Variants in ARHGEF18 observed in about 807,000 individuals in gnomAD.
ARHGEF18 encodes the protein Rho/Rac guanine nucleotide exchange factor 18, also known as rho guanine nucleotide exchange factor 18.
ARHGEF18 carries 93 observed loss-of-function variants against 155.7 expected under a neutral mutation model. The ratio of observed to expected loss-of-function variants is 0.60; its 90% confidence interval spans 0.50 to 0.71. The LOEUF (loss-of-function observed/expected upper bound fraction) is 0.71. Among genes scored for constraint, ARHGEF18 ranks in the 30% least tolerant of loss-of-function variants. The probability of loss-of-function intolerance (pLI) is 0.00; values close to 1 mark genes in which losing one functional copy is unlikely to be tolerated. For missense variants in ARHGEF18, 1,593 were observed against 1,816.1 expected, an observed-to-expected ratio of 0.88 and a Z score of 2.23; for synonymous variants, 742 against 753.1, an observed-to-expected ratio of 0.99 and a Z score of 0.24.
chr19:7,419,452 A>C (rs1973225082), intron 10 of ARHGEF18, among the ~76,000 whole-genome samples: 1 of 151,466 alleles, frequency 6.6e-6, no homozygotes, highest in Admixed American at 6.6e-5. Flanking sequence ...CCCCAGGTGC[A>C]CCTGCAGCTC....
At position 7,355,559 on chromosome 19, in the gene ARHGEF18, G is replaced by T. The variant is rs944191368; in HGVS notation, c.-111+6318G>T. ...GAGGCAGTCTCCGCCCCTCTTACTG[G>T]CAGCCCCATCCTGGCAGGGATTCCC... On this transcript the variant is annotated intron_variant, in intron 1 of 28. Transcript: ENST00000668164. The T allele has an allele frequency of 7.4e-6, 7 of 948,716 alleles. No homozygotes were observed. In the East Asian group the frequency reaches 8.1e-4, roughly 110 times the overall value. The allele number at this position is 948,716 out of a possible 1,614,324, so 58.8% of individuals were successfully genotyped here.
chr19:7,417,566 G>A (rs377650419), intron 10 of ARHGEF18, among the ~76,000 whole-genome samples: 8 of 152,028 alleles, frequency 5.3e-5, no homozygotes, highest in Non-Finnish European at 1.2e-4. Flanking sequence ...GACGAGTGGC[G>A]CACGCCTGTA....
rs748242858 is a variant in ARHGEF18, at chr19:7,468,972, G to C, written c.3628G>C (p.Ala1210Pro). Reference protein sequence around the residue: ...RDSAPTENRLAKSDVPIQLLS... With the variant: ...RDSAPTENRLPKSDVPIQLLS... ...CAGCGCCCCCACCGAGAACCGGCTG[G>C]CCAAGAGCGATGTGCCCATCCAGCT... is the stretch of plus-strand genomic sequence containing the variant. The change falls in exon 27 of 29, where the codon GCC (alanine) becomes CCC (proline). Residue 1210 changes from alanine to proline, a missense_variant. Physicochemically the swap from Ala to Pro is conservative, Grantham distance 27. Coordinates refer to ENST00000668164, the MANE Select transcript of ARHGEF18 (RefSeq NM_001367823.1). 9 of 1,590,044 alleles carry C rather than the reference G, an allele frequency of 5.7e-6. No homozygotes were observed. In the African/African-American group the frequency reaches 1.1e-4, roughly 19 times the overall value.
chr19:7,462,646 A>G lies in ARHGEF18; in HGVS notation c.2635+312A>G, dbSNP rs1201280147. ...CCGTGGGGAGGATCTGAAGTTGACT[A>G]AGACTGGTTCCCTACCTACCAGAGG... On this transcript the variant is annotated intron_variant, in intron 21 of 28. Coordinates refer to ENST00000668164, the MANE Select transcript of ARHGEF18 (RefSeq NM_001367823.1). The surrounding 1 kb of genome is among the most constrained non-coding windows in gnomAD (Gnocchi z 4.4). 6.6e-6 allele frequency among the ~76,000 whole-genome samples: 1 copy of G among 151,374 alleles called. No homozygotes were observed. Among genetic ancestry groups the G allele is most frequent in the Middle Eastern group, 3.2e-3 (1 of 316 alleles).
chr19:7,442,814 T>G (rs1339579328), intron 13 of ARHGEF18, among the ~76,000 whole-genome samples: 1 of 152,228 alleles, frequency 6.6e-6, no homozygotes, highest in African/African-American at 2.4e-5. Flanking sequence ...TTAGTGTCCA[T>G]GAAGGCCCCA....
In ARHGEF18 at chr19:7,362,928, G is replaced by A. The variant is rs1279029397; in HGVS notation, c.15+23G>A. 16 of 1,234,184 alleles carry A rather than the reference G, an allele frequency of 1.3e-5. No individual in the cohort carries two copies. In the East Asian group the frequency reaches 1.6e-4, roughly 12 times the overall value. 76.5% of individuals were successfully genotyped at this position (1,234,184 alleles called of 1,614,324 possible). A position where few individuals can be genotyped will look rare whatever the true frequency, so the allele number is the denominator to read the frequency against. On this transcript the variant is annotated intron_variant, in intron 2 of 28. Coordinates refer to ENST00000668164, the MANE Select transcript of ARHGEF18 (RefSeq NM_001367823.1). The stretch of plus-strand genomic sequence containing the variant: ...CAGGCAGGTGTCTGACTGCTGAAAC[G>A]GGCAGGAGCTGATGACGACAGTGGC...
At chr19:7,426,497 A>AG (rs1568323639) in intron 10 of ARHGEF18, among the ~76,000 whole-genome samples, 1 of 151,662 alleles carries the variant, frequency 6.6e-6, no homozygotes, top group Non-Finnish European at 1.5e-5. Flanking sequence ...AAAAAAAAAA[A>AG]AAAAAGAAAA....
At position 7,470,178 on chromosome 19, in the gene ARHGEF18, C is replaced by T. The variant is rs1476826605; in HGVS notation, c.3966C>T (p.Gly1322=). 6.2e-7 allele frequency: 1 copy of T among 1,612,290 alleles called. No individual in the cohort carries two copies. Among genetic ancestry groups the T allele is most frequent in the Non-Finnish European group, 8.5e-7 (1 of 1,179,726 alleles). The change falls in exon 29 of 29, where the codon GGC becomes GGT. Residue 1322 remains glycine (G), a synonymous_variant. Coordinates refer to ENST00000668164, the MANE Select transcript of ARHGEF18 (RefSeq NM_001367823.1). The surrounding 1 kb of genome is among the most constrained non-coding windows in gnomAD (Gnocchi z 5.9). ...SPPPADSPSE[G]FSLKAGGTAL... ...CGCCAGCTGACAGCCCCTCCGAGGG[C>T]TTCTCTCTCAAGGCCGGGGGCACAG... is the stretch of plus-strand genomic sequence containing the variant.
At chr19:7,375,113 A>T (rs1205675540) in intron 3 of ARHGEF18, among the ~76,000 whole-genome samples, 4 of 151,968 alleles carry the variant, frequency 2.6e-5, no homozygotes, top group Non-Finnish European at 5.9e-5. Flanking sequence ...CTGTACTAAA[A>T]ATACAAAAAT....
rs1450661037 is a variant in ARHGEF18 at position 7,440,715 on chromosome 19, C to A, written c.1106+233C>A. On this transcript the variant is annotated intron_variant, in intron 11 of 28. Coordinates refer to ENST00000668164, the MANE Select transcript of ARHGEF18 (RefSeq NM_001367823.1). The surrounding 1 kb of genome is among the most constrained non-coding windows in gnomAD (Gnocchi z 5.4). ...CCTGGTGGAGCCAGTTTGCTTAGTG[C>A]CCTCGAGGGATCCTTGGACTCGCTC... Among the ~76,000 whole-genome samples the A allele has an allele frequency of 6.6e-6, 1 of 152,142 alleles. No homozygotes were observed. Among genetic ancestry groups the A allele is most frequent in the African/African-American group, 2.4e-5 (1 of 41,430 alleles).
chr19:7,428,126 G>A (rs1230326902), intron 10 of ARHGEF18, among the ~76,000 whole-genome samples: 1 of 152,176 alleles, frequency 6.6e-6, no homozygotes, highest in Non-Finnish European at 1.5e-5. Context: ...CGGTCATGTT[G>A]AGAATGTGTA....
chr19:7,445,669 G>T (rs1974945577), intron 14 of ARHGEF18, among the ~76,000 whole-genome samples: 1 of 152,100 alleles, frequency 6.6e-6, no homozygotes, highest in African/African-American at 2.4e-5. Flanking sequence ...GCCCAGGCTG[G>T]AGTGCAGTGG....
chr19:7,358,468 C>T (rs895613314), intron 1 of ARHGEF18, among the ~76,000 whole-genome samples: 1 of 152,004 alleles, frequency 6.6e-6, no homozygotes, highest in African/African-American at 2.4e-5. Context: ...ACCTATCCAA[C>T]CATTCACCCA....
At chr19:7,459,338 G>C (rs926237692) in intron 19 of ARHGEF18, among the ~76,000 whole-genome samples, 2 of 151,946 alleles carry the variant, frequency 1.3e-5, no homozygotes, top group African/African-American at 4.8e-5. Flanking sequence ...CTACCCCCTC[G>C]GCCTCCCAAG....
At chr19:7,464,879 G>A (rs1976520035) in intron 23 of ARHGEF18, among the ~76,000 whole-genome samples, 189 bp downstream of exon 23, 2 of 152,286 alleles carry the variant, frequency 1.3e-5, no homozygotes, top group Middle Eastern at 3.4e-3. Context: ...GCAGCCTCCT[G>A]GGAAAAGCAA....
At chr19:7,387,773 G>A (rs932615300) in intron 10 of ARHGEF18, among the ~76,000 whole-genome samples, 3 of 151,674 alleles carry the variant, frequency 2.0e-5, no homozygotes. Context: ...AGGTTCAAGC[G>A]ATTCTCACGC....
Position 7,467,189 on chromosome 19 carries a change from C to T in ARHGEF18, c.3010-25C>T, listed in dbSNP as rs774031010. On this transcript the variant is annotated intron_variant, in intron 25 of 28. Coordinates refer to ENST00000668164, the MANE Select transcript of ARHGEF18 (RefSeq NM_001367823.1). ...GGCTGGGGCGCAGGTGCGGCTCTCA[C>T]TCGCCTGGCCCTGGCCCTCCGCAGG... The T allele has an allele frequency of 3.2e-6, 5 of 1,579,210 alleles. No individual in the cohort carries two copies. The South Asian group carries it at 3.4e-5, about 11-fold the overall frequency.
At chr19:7,375,630 G>A (rs955464113) in intron 3 of ARHGEF18, 90 bp from the exon 4 acceptor site, 10 of 1,200,236 alleles carry the variant, frequency 8.3e-6, no homozygotes, top group Non-Finnish European at 1.0e-5. Context: ...GGGCCCCCTT[G>A]CATGTTCTTT....
In ARHGEF18 at chr19:7,404,378, G is replaced by A. The variant is rs183464658; in HGVS notation, c.967+21175G>A. On this transcript the variant is annotated intron_variant, in intron 10 of 28. Transcript: ENST00000668164. Reference sequence around the variant, plus strand: ...GACTGATCTGGATAACAGTTGTCAAGTCACAAAAAAGAGAAACACAGTTAG... The same window carrying A: ...GACTGATCTGGATAACAGTTGTCAAATCACAAAAAAGAGAAACACAGTTAG... Among the ~76,000 whole-genome samples the A allele has an allele frequency of 4.0e-4, 60 of 150,744 alleles. No homozygotes were observed. In the Middle Eastern group the frequency reaches 0.01, roughly 26 times the overall value.
Sources: gnomAD v4.1 joint callset for allele counts (sites outside exome capture counted in the v4.1 genomes callset) on GRCh38, gnomAD v4.1.1 for gene constraint, Gnocchi (gnomAD v3.1) non-coding constraint, MANE v1.5 for transcripts, NCBI Gene and HGNC (gene_info 2026-07-23, HGNC 2026-07-21) for gene names.